Variants in PCDH7 observed in about 807,000 individuals in gnomAD.
PCDH7 encodes the protein protocadherin 7.
Under a neutral mutation model 58.9 loss-of-function variants are expected in PCDH7, and 17 were observed. The ratio of observed to expected loss-of-function variants is 0.29; its 90% CI spans 0.20 to 0.43. The LOEUF (loss-of-function observed/expected upper bound fraction) is 0.43. Ranked by LOEUF, PCDH7 falls within the 20% of genes least tolerant of loss-of-function variation. PCDH7 has a pLI of 1.00. For synonymous variants in PCDH7, 664 were observed against 616.4 expected (o/e 1.08, Z -1.14); for missense variants, 1,274 against 1,441.0 (o/e 0.88, Z 1.88).
intron 3 of PCDH7, among the ~76,000 whole-genome samples, chr4:31,022,208 A>G (rs1754083692): frequency 6.6e-6 from 1 of 152,158 alleles, no homozygotes; most frequent in South Asian, 2.1e-4. Context: ...GGGATTAATA[A>G]TAATTTTTAA....
At chr4:30,775,046 T>G (rs1483825773) in intron 1 of PCDH7, among the ~76,000 whole-genome samples, 1 of 152,222 alleles carries the variant, frequency 6.6e-6, no homozygotes, top group Admixed American at 6.5e-5. Flanking sequence ...CTAAGTCTAT[T>G]TCTGTCTAGT....
intron 2 of PCDH7, among the ~76,000 whole-genome samples, chr4:30,949,339 AT>A (rs755763208): frequency 6.6e-6 from 1 of 152,132 alleles, no homozygotes; most frequent in Non-Finnish European, 1.5e-5. Context: ...AGAGAAAAAA[AT>A]TGTACCAGTG....
chr4:31,102,813 CT>C (rs1715071797), intron 3 of PCDH7, among the ~76,000 whole-genome samples: 1 of 152,110 alleles, frequency 6.6e-6, no homozygotes. Context: ...CTTCTTTGGA[CT>C]TTCTATGAGA....
chr4:30,927,788 C>G (rs1744071882), intron 2 of PCDH7, among the ~76,000 whole-genome samples: 3 of 151,918 alleles, frequency 2.0e-5, no homozygotes, highest in Admixed American at 2.0e-4. Context: ...TGCTGACCTT[C>G]CCTCCACTAT....
chr4:31,104,162 T>C (rs1485966323), intron 3 of PCDH7, among the ~76,000 whole-genome samples: 1 of 152,206 alleles, frequency 6.6e-6, no homozygotes. Flanking sequence ...AATATTTGTC[T>C]TTTTCAGTAT....
intron 3 of PCDH7, among the ~76,000 whole-genome samples, chr4:30,983,890 C>T (rs1310138869): frequency 1.3e-5 from 2 of 152,246 alleles, no homozygotes; most frequent in African/African-American, 4.8e-5. Context: ...TCTGTTGATA[C>T]TTGCTGGGTA....
chr4:30,942,861 T>C (rs1746208812), intron 2 of PCDH7, among the ~76,000 whole-genome samples: 1 of 151,132 alleles, frequency 6.6e-6, no homozygotes, highest in Non-Finnish European at 1.5e-5. Context: ...ACCTAAGCAA[T>C]GGAAGAGGTA....
At chr4:30,965,091 C>G (rs1748879330) in intron 3 of PCDH7, among the ~76,000 whole-genome samples, 1 of 151,992 alleles carries the variant, frequency 6.6e-6, no homozygotes, top group East Asian at 1.9e-4. Context: ...TTCAGCAGCT[C>G]TTTATTTCTG....
intron 3 of PCDH7, among the ~76,000 whole-genome samples, chr4:30,969,659 TGAGA>T (rs369288924): frequency 6.6e-6 from 1 of 151,380 alleles, no homozygotes; most frequent in Non-Finnish European, 1.5e-5. Flanking sequence ...TAAGAGAGGA[TGAGA>T]GAGAGAGAGA....
chr4:30,916,919 GT>G (rs1272254298), intron 1 of PCDH7, among the ~76,000 whole-genome samples: 1 of 152,074 alleles, frequency 6.6e-6, no homozygotes, highest in Non-Finnish European at 1.5e-5. Flanking sequence ...ATTGGCATTT[GT>G]TTTTTTCACA....
chr4:30,816,678 A>G (rs2109317988), intron 1 of PCDH7, among the ~76,000 whole-genome samples: 1 of 152,218 alleles, frequency 6.6e-6, no homozygotes, highest in South Asian at 2.1e-4. Context: ...TTTTTATCCA[A>G]ACAGCGATTA....
intron 3 of PCDH7, among the ~76,000 whole-genome samples, chr4:31,087,744 C>A (rs1222754350): frequency 6.6e-6 from 1 of 151,972 alleles, no homozygotes; most frequent in African/African-American, 2.4e-5. Context: ...ATCTTGTCGC[C>A]GTTTTTGCAT....
At chr4:31,043,835 G>A (rs2109208965) in intron 3 of PCDH7, among the ~76,000 whole-genome samples, 1 of 152,198 alleles carries the variant, frequency 6.6e-6, no homozygotes, top group Middle Eastern at 3.4e-3. Flanking sequence ...GTTAAAGGAG[G>A]ATGAGGCTGA....
At chr4:31,080,334 T>A (rs1333272008) in intron 3 of PCDH7, among the ~76,000 whole-genome samples, 1 of 152,144 alleles carries the variant, frequency 6.6e-6, no homozygotes, top group Non-Finnish European at 1.5e-5. Flanking sequence ...TTAATCAAAT[T>A]GATTTTTAAA....
chr4:31,011,061 T>C (rs1485580580), intron 3 of PCDH7, among the ~76,000 whole-genome samples: 1 of 151,958 alleles, frequency 6.6e-6, no homozygotes, highest in Admixed American at 6.6e-5. Context: ...CATTTTTCTG[T>C]GGGTTTCTAT....
chr4:31,072,593 G>C (rs533764852), intron 3 of PCDH7, among the ~76,000 whole-genome samples: 7 of 152,210 alleles, frequency 4.6e-5, no homozygotes, highest in African/African-American at 1.7e-4. Context: ...AGTTGCTGGT[G>C]GAAGGGGGCA....
chr4:31,006,163 TAAA>T (rs1752753557), intron 3 of PCDH7, among the ~76,000 whole-genome samples: 1 of 152,236 alleles, frequency 6.6e-6, no homozygotes. Context: ...TGATTGGTTA[TAAA>T]AGGACCAGTT....
At chr4:30,935,362 A>C (rs990290338) in intron 2 of PCDH7, 1 of 980,014 alleles carries the variant, frequency 1.0e-6, no homozygotes, top group African/African-American at 1.8e-5. Context: ...GTTTCTTGGC[A>C]CCTTTTGAAT....
chr4:31,063,512 T>C lies in PCDH7; in HGVS notation c.*8-78961T>C, dbSNP rs1297481692. Reference sequence around the variant, plus strand: ...ATGGTAATTATTATTATTATTATCATTCTAAAACAATCCAAATGGGAAATG... The same window carrying C: ...ATGGTAATTATTATTATTATTATCACTCTAAAACAATCCAAATGGGAAATG... On this transcript the variant is annotated intron_variant, in intron 3 of 3. Coordinates refer to the PCDH7 transcript ENST00000509759. Among the ~76,000 whole-genome samples, 4 of 151,798 alleles carry C rather than the reference T, an allele frequency of 2.6e-5. No individual in the cohort carries two copies. In the East Asian group the frequency reaches 7.8e-4, roughly 29 times the overall value.
Sources: allele counts gnomAD v4.1 joint callset (sites outside exome capture counted in the v4.1 genomes callset), GRCh38; gene constraint gnomAD v4.1.1; transcripts MANE v1.5; gene names NCBI Gene and HGNC (gene_info 2026-07-23, HGNC 2026-07-21).